EEFSEC: variants seen among roughly 807,000 people sequenced by gnomAD.
EEFSEC encodes eukaryotic elongation factor, selenocysteine-tRNA specific.
In EEFSEC, 43 loss-of-function variants were observed where a neutral mutation model predicts 42.1. The observed-to-expected ratio is 1.02, with a 90% CI of 0.80 to 1.32. EEFSEC has a LOEUF of 1.32. Among genes scored for constraint, EEFSEC ranks in the 40% most tolerant of loss-of-function variants. The probability of loss-of-function intolerance (pLI) is 0.00; values close to 1 mark genes in which losing one functional copy is unlikely to be tolerated. For synonymous variants in EEFSEC, 354 were observed against 339.1 expected, an observed-to-expected ratio of 1.04 and a Z score of -0.48; for missense variants, 745 against 803.6, an observed-to-expected ratio of 0.93 and a Z score of 0.88.
intron 2 of EEFSEC, among the ~76,000 whole-genome samples, chr3:128,253,152 A>G (rs1445208776): frequency 1.3e-5 from 2 of 152,202 alleles, no homozygotes; most frequent in Admixed American, 6.5e-5. Context: ...ATTACTATAT[A>G]TTGCCCAAAA....
At chr3:128,350,115 C>T (rs2107577692) in intron 5 of EEFSEC, among the ~76,000 whole-genome samples, 1 of 152,366 alleles carries the variant, frequency 6.6e-6, no homozygotes, top group East Asian at 1.9e-4. Context: ...ATGCAGACGC[C>T]ATCAGGAGCA....
At chr3:128,270,400 A>T (rs1208330312) in intron 4 of EEFSEC, among the ~76,000 whole-genome samples, 1 of 152,200 alleles carries the variant, frequency 6.6e-6, no homozygotes, top group East Asian at 1.9e-4. Context: ...CAATGTTCTG[A>T]TAATGATGAC....
chr3:128,272,595 G>A (rs930987253), intron 4 of EEFSEC, among the ~76,000 whole-genome samples: 6 of 152,160 alleles, frequency 3.9e-5, no homozygotes, highest in Admixed American at 2.0e-4. Context: ...GTCTCCACAC[G>A]GTTCCAGTCA....
chr3:128,249,591 T>C (rs183363885), intron 2 of EEFSEC, among the ~76,000 whole-genome samples: 155 of 152,306 alleles, frequency 1.0e-3, no homozygotes, highest in African/African-American at 3.5e-3. Flanking sequence ...TAACTCCCCT[T>C]TCTCCCTTCC....
intron 6 of EEFSEC, among the ~76,000 whole-genome samples, chr3:128,399,334 G>T (rs574414029): frequency 6.6e-6 from 1 of 152,144 alleles, no homozygotes; most frequent in Admixed American, 6.5e-5. Flanking sequence ...GGTGCGGGGC[G>T]CTGGTTGCCT....
At chr3:128,312,541 G>A (rs2066901067) in intron 4 of EEFSEC, among the ~76,000 whole-genome samples, 1 of 152,246 alleles carries the variant, frequency 6.6e-6, no homozygotes, top group Non-Finnish European at 1.5e-5. Flanking sequence ...AAGAGGCTCC[G>A]CCTTCACCCT....
intron 4 of EEFSEC, among the ~76,000 whole-genome samples, chr3:128,316,175 A>G (rs1002315763): frequency 5.9e-5 from 9 of 152,238 alleles, no homozygotes; most frequent in African/African-American, 1.7e-4. Flanking sequence ...TAATAGAAAT[A>G]CATGCTTGTT....
chr3:128,272,457 C>T lies in EEFSEC; in HGVS notation c.786+7676C>T, dbSNP rs1576596930. 2.0e-5 allele frequency among the ~76,000 whole-genome samples: 3 copies of T among 152,132 alleles called. No homozygotes were observed. In the East Asian group the frequency reaches 5.8e-4, roughly 29 times the overall value. ...ACGCCTGGACTCAGGGGCTGAACGG[C>T]CACCTTACTCCCAGGCTGGAGGTTT... On this transcript the variant is annotated intron_variant, in intron 4 of 6. Transcript: ENST00000254730.
At chr3:128,298,777 C>T (rs2066736257) in intron 4 of EEFSEC, among the ~76,000 whole-genome samples, 1 of 152,232 alleles carries the variant, frequency 6.6e-6, no homozygotes, top group Non-Finnish European at 1.5e-5. Context: ...CTCTCTACCT[C>T]CATGAGACCC....
chr3:128,246,117 CT>C (rs1265238478), intron 1 of EEFSEC, among the ~76,000 whole-genome samples: 4 of 152,220 alleles, frequency 2.6e-5, no homozygotes, highest in Non-Finnish European at 1.5e-5. Context: ...CATTATGTTC[CT>C]GACATGATTT....
chr3:128,394,437 C>T (rs191488624), intron 6 of EEFSEC, among the ~76,000 whole-genome samples: 157 of 152,078 alleles, frequency 1.0e-3, no homozygotes, highest in South Asian at 6.8e-3. Flanking sequence ...TTATTCTAGA[C>T]GGTTTTTTTC....
intron 1 of EEFSEC, among the ~76,000 whole-genome samples, chr3:128,222,818 C>A (rs1430580595): frequency 6.6e-6 from 1 of 152,194 alleles, no homozygotes; most frequent in Non-Finnish European, 1.5e-5. Context: ...TATTATATAT[C>A]ATAAAGAATT....
chr3:128,305,515 T>C (rs372519175), intron 4 of EEFSEC, among the ~76,000 whole-genome samples: 1 of 152,196 alleles, frequency 6.6e-6, no homozygotes, highest in Non-Finnish European at 1.5e-5. Context: ...GGTAGCACTT[T>C]AATAACTTAA....
At chr3:128,322,134 C>T (rs1006025861) in intron 4 of EEFSEC, among the ~76,000 whole-genome samples, 1 of 152,252 alleles carries the variant, frequency 6.6e-6, no homozygotes, top group African/African-American at 2.4e-5. Context: ...TGAGAATCCC[C>T]AGTGCCCAGC....
In EEFSEC at chr3:128,341,835, C is replaced by G. The variant is rs112227741; in HGVS notation, c.1389C>G (p.Phe463Leu). The G allele has an allele frequency of 5.7e-5, 92 of 1,614,000 alleles. No individual in the cohort carries two copies. In the African/African-American group the frequency reaches 8.5e-4, roughly 15 times the overall value. ...GLEDRNYADSFLPRLKVYKLK... is the reference protein window; with the variant it reads ...GLEDRNYADSLLPRLKVYKLK... The stretch of plus-strand genomic sequence containing the variant: ...AGGACAGGAACTACGCCGACAGCTT[C>G]CTGCCCAGGCTGAAGGTGTACAAGC... Residue 463 changes from phenylalanine (F) to leucine (L), a missense_variant, in exon 5 of 7, where the codon TTC (phenylalanine) becomes TTG (leucine). Transcript: ENST00000254730.
intron 6 of EEFSEC, among the ~76,000 whole-genome samples, chr3:128,391,287 C>A (rs993351626): frequency 1.4e-4 from 21 of 152,354 alleles, no homozygotes; most frequent in Non-Finnish European, 2.4e-4. Flanking sequence ...AGGCAAGAAA[C>A]GAAATGGTCT....
chr3:128,316,276 C>T (rs1447808199), intron 4 of EEFSEC, among the ~76,000 whole-genome samples: 1 of 152,174 alleles, frequency 6.6e-6, no homozygotes, highest in Non-Finnish European at 1.5e-5. Context: ...GCTCTGTGTT[C>T]TTTCACCCTT....
chr3:128,372,389 A>G (rs1030719617), intron 6 of EEFSEC, among the ~76,000 whole-genome samples: 5 of 152,174 alleles, frequency 3.3e-5, no homozygotes, highest in African/African-American at 1.2e-4. Context: ...CAAGGGGCCT[A>G]AAACCCTGAA....
At chr3:128,269,596 A>G (rs1337656504) in intron 4 of EEFSEC, among the ~76,000 whole-genome samples, 1 of 152,200 alleles carries the variant, frequency 6.6e-6, no homozygotes, top group African/African-American at 2.4e-5. Context: ...CAGCCATTCC[A>G]AATAAACAGT....
Sources: gnomAD v4.1 joint callset for allele counts (sites outside exome capture counted in the v4.1 genomes callset) on GRCh38, gnomAD v4.1.1 for gene constraint, MANE v1.5 for transcripts, NCBI Gene and HGNC (gene_info 2026-07-23, HGNC 2026-07-21) for gene names.